Variants in B4GALT4 observed in about 807,000 individuals in gnomAD.
B4GALT4 encodes the protein N-acetyllactosamine synthase.
In B4GALT4, 27 loss-of-function variants were observed where a neutral mutation model predicts 37.3. The ratio of observed to expected loss-of-function variants is 0.72; its 90% CI spans 0.53 to 1.00. The LOEUF (loss-of-function observed/expected upper bound fraction) is 1.00, where lower values mean the gene tolerates loss of function less well. Among genes scored for constraint, B4GALT4 ranks in the 50% least tolerant of loss-of-function variants. The probability of loss-of-function intolerance (pLI) is 0.00; values close to 1 mark genes in which losing one functional copy is unlikely to be tolerated. For missense variants in B4GALT4, 372 were observed against 413.1 expected, an observed-to-expected ratio of 0.90 and a Z score of 0.86; for synonymous variants, 148 against 154.1, an observed-to-expected ratio of 0.96 and a Z score of 0.29.
chr3:119,216,645 GA>G lies in B4GALT4; in HGVS notation c.798-302del, dbSNP rs906865174. Among the ~76,000 whole-genome samples the G allele has an allele frequency of 1.5e-4, 22 of 150,460 alleles. No individual in the cohort carries two copies. In the Middle Eastern group the frequency reaches 0.01, roughly 70 times the overall value. On this transcript the variant is annotated intron_variant, in intron 6 of 7. Coordinates refer to ENST00000393765, the MANE Select transcript of B4GALT4 (RefSeq NM_003778.4). ...GTTTATACTTAGTCATTTTCAAAAAGAAAAAAAAATGATAAAGTACTTATTT... is the reference window on the plus strand; with the variant it reads ...GTTTATACTTAGTCATTTTCAAAAAGAAAAAAAATGATAAAGTACTTATTT...
chr3:119,228,687 G>A (rs2078702994), intron 3 of B4GALT4, among the ~76,000 whole-genome samples: 2 of 152,082 alleles, frequency 1.3e-5, no homozygotes, highest in South Asian at 4.1e-4. Flanking sequence ...CTAGGAAAGG[G>A]GTACACAGAC....
At position 119,228,600 on chromosome 3, in the gene B4GALT4, G is replaced by A. The variant is rs1448147548; in HGVS notation, c.253+1247C>T. 2.6e-5 allele frequency among the ~76,000 whole-genome samples: 4 copies of A among 152,302 alleles called. No homozygotes were observed. The South Asian group carries it at 8.3e-4, about 32-fold the overall frequency. Reference sequence around the variant, plus strand: ...TAATCTGTGAAGGAATACACAATCAGGAATAACACTTTGACTCTTCCATGA... The same window carrying A: ...TAATCTGTGAAGGAATACACAATCAAGAATAACACTTTGACTCTTCCATGA... On this transcript the variant is annotated intron_variant, in intron 3 of 7. Coordinates refer to ENST00000393765, the MANE Select transcript of B4GALT4 (RefSeq NM_003778.4).
Position 119,216,420 on chromosome 3 carries a change from G to T in B4GALT4, c.798-76C>A, listed in dbSNP as rs577557428. 33 of 1,003,298 alleles carry T rather than the reference G, an allele frequency of 3.3e-5. No individual in the cohort carries two copies. The South Asian group carries it at 5.0e-4, about 15-fold the overall frequency. 62.1% of individuals were successfully genotyped at this position (1,003,298 alleles called of 1,614,324 possible). On this transcript the variant is annotated intron_variant, in intron 6 of 7. Coordinates refer to ENST00000393765, the MANE Select transcript of B4GALT4 (RefSeq NM_003778.4). ...TAGGCAAATAAAAAGCATCATTTGCGAAAATTTATACACACACACGCACAT... is the reference window on the plus strand; with the variant it reads ...TAGGCAAATAAAAAGCATCATTTGCTAAAATTTATACACACACACGCACAT...
chr3:119,236,720 T>C (rs2078996759), intron 2 of B4GALT4, 133 bp downstream of exon 2: 1 of 151,758 alleles, frequency 6.6e-6, no homozygotes, highest in Admixed American at 6.6e-5. Context: ...AAAAAGAAGG[T>C]GGGAAATAAA....
At chr3:119,238,924 G>C (rs1399418514) in intron 1 of B4GALT4, among the ~76,000 whole-genome samples, 1 of 152,224 alleles carries the variant, frequency 6.6e-6, no homozygotes, top group African/African-American at 2.4e-5. Context: ...AAAAACTTCA[G>C]AGGCTGTTAG....
chr3:119,226,767 G>A (rs3752376), intron 4 of B4GALT4, 42 bp downstream of exon 4: 197,916 of 1,541,116 alleles, frequency 0.13, 13,597 homozygotes, highest in East Asian at 0.24. Flanking sequence ...TGGCAGAGAA[G>A]AGGAGGGTCG....
At chr3:119,240,200 C>T (rs2079110203) in intron 1 of B4GALT4, 1 of 152,166 alleles carries the variant, frequency 6.6e-6, no homozygotes, top group Non-Finnish European at 1.5e-5. Context: ...GCTACCAACC[C>T]ATAGGCCTCT....
chr3:119,240,499 A>T (rs2079123779), intron 1 of B4GALT4: 1 of 152,170 alleles, frequency 6.6e-6, no homozygotes, highest in African/African-American at 2.4e-5. Context: ...CACCCGGCGG[A>T]GAAGTGCTGG....
intron 7 of B4GALT4, chr3:119,215,859 C>T (rs1016578431): frequency 1.3e-5 from 2 of 153,468 alleles, no homozygotes; most frequent in African/African-American, 4.8e-5. Flanking sequence ...ACTGACTAGA[C>T]ATTTGATGAC....
At chr3:119,214,919 A>G (rs1431195888) in intron 7 of B4GALT4, 1 of 152,210 alleles carries the variant, frequency 6.6e-6, no homozygotes, top group Non-Finnish European at 1.5e-5. Flanking sequence ...CTCACAGATC[A>G]ATCCTAACAT....
At chr3:119,235,523 A>G (rs545777845) in intron 2 of B4GALT4, among the ~76,000 whole-genome samples, 1 of 152,330 alleles carries the variant, frequency 6.6e-6, no homozygotes, top group South Asian at 2.1e-4. Context: ...CCCTGGGGCA[A>G]CACCAGAAGA....
At chr3:119,223,400 T>C (rs2078504367) in intron 5 of B4GALT4, among the ~76,000 whole-genome samples, 1 of 152,162 alleles carries the variant, frequency 6.6e-6, no homozygotes, top group Non-Finnish European at 1.5e-5. Context: ...AGAGAAACAT[T>C]CTGTGTCACT....
intron 1 of B4GALT4, chr3:119,240,212 C>G (rs549287797): frequency 6.6e-6 from 1 of 152,254 alleles, no homozygotes; most frequent in African/African-American, 2.4e-5. Flanking sequence ...TAGGCCTCTC[C>G]TCGATGCAGA....
At chr3:119,220,602 G>A (rs2078419503) in intron 5 of B4GALT4, among the ~76,000 whole-genome samples, 1 of 152,168 alleles carries the variant, frequency 6.6e-6, no homozygotes, top group Non-Finnish European at 1.5e-5. Flanking sequence ...AACTCTGTGA[G>A]GCAAAGCACA....
At chr3:119,221,382 C>A (rs947938046) in intron 5 of B4GALT4, among the ~76,000 whole-genome samples, 2 of 152,208 alleles carry the variant, frequency 1.3e-5, no homozygotes, top group African/African-American at 2.4e-5. Flanking sequence ...ACCTTTCTTG[C>A]GCTTGTACTT....
At chr3:119,227,840 G>C (rs938277585) in intron 3 of B4GALT4, among the ~76,000 whole-genome samples, 1 of 152,146 alleles carries the variant, frequency 6.6e-6, no homozygotes, top group Non-Finnish European at 1.5e-5. Flanking sequence ...CTTCCTGTGC[G>C]AAAGTCGCCA....
Position 119,212,591 on chromosome 3 carries a change from A to G in B4GALT4, c.993T>C (p.Pro331=), listed in dbSNP as rs757080098. 2.0e-5 allele frequency: 33 copies of G among 1,612,142 alleles called. 1 individual carries two copies. In the Middle Eastern group the frequency reaches 9.9e-4, roughly 48 times the overall value. The part of the protein sequence containing the change: ...SYKLVSVEHN[P]LYINITVDFW... ...AATCCACTGTGATGTTGATATATAA[A>G]GGATTGTGTTCCACAGATACTAATT... is the stretch of plus-strand genomic sequence containing the variant. Residue 331 remains proline, a synonymous_variant, in exon 8 of 8, where the codon CCT becomes CCC. Transcript: ENST00000393765.
intron 2 of B4GALT4, among the ~76,000 whole-genome samples, chr3:119,234,825 T>A (rs1215439849): frequency 6.6e-6 from 1 of 152,204 alleles, no homozygotes; most frequent in Admixed American, 6.5e-5. Flanking sequence ...AAAGAAGTTA[T>A]TTAGGGCAAG....
intron 4 of B4GALT4, 50 bp from the exon 5 acceptor site, chr3:119,224,295 T>C (rs763680995): frequency 2.5e-5 from 37 of 1,453,704 alleles, no homozygotes; most frequent in Non-Finnish European, 3.4e-5. Flanking sequence ...TAAAGTTTCA[T>C]ATTGTTTGCC....
Sources: allele counts gnomAD v4.1 joint callset (sites outside exome capture counted in the v4.1 genomes callset), GRCh38; gene constraint gnomAD v4.1.1; transcripts MANE v1.5; gene names NCBI Gene and HGNC (gene_info 2026-07-23, HGNC 2026-07-21).